NCKAP1: variants seen among roughly 807,000 people sequenced by gnomAD.
NCKAP1 encodes the protein NCK associated protein 1, also known as nck-associated protein 1.
Under a neutral mutation model 151.2 loss-of-function variants are expected in NCKAP1, and 21 were observed. The ratio of observed to expected loss-of-function variants is 0.14; its 90% CI spans 0.10 to 0.20. The LOEUF is 0.20. NCKAP1 is among the 10% of genes least tolerant of loss of function. The pLI, the probability that NCKAP1 is intolerant of heterozygous loss-of-function variation, is 1.00. For synonymous variants in NCKAP1, 484 were observed against 451.8 expected (o/e 1.07, Z -0.90); for missense variants, 933 against 1,352.1 (o/e 0.69, Z 4.86).
chr2:183,029,643 G>T (rs1271579838), intron 1 of NCKAP1, among the ~76,000 whole-genome samples: 1 of 151,814 alleles, frequency 6.6e-6, no homozygotes, highest in Non-Finnish European at 1.5e-5. Context: ...GCAAGAGGGA[G>T]ACCCTGTCTC....
intron 2 of NCKAP1, among the ~76,000 whole-genome samples, chr2:183,013,963 G>T (rs748501193): frequency 3.3e-5 from 5 of 152,038 alleles, no homozygotes; most frequent in African/African-American, 2.4e-5. Flanking sequence ...CTGCCCTAAT[G>T]CTTTCTTCTC....
At chr2:182,935,781 T>G (rs771566918) in intron 24 of NCKAP1, among the ~76,000 whole-genome samples, 6 of 151,618 alleles carry the variant, frequency 4.0e-5, no homozygotes, top group African/African-American at 7.3e-5. Flanking sequence ...TGAACAGGAG[T>G]TAAATCCTCA....
intron 3 of NCKAP1, 34 bp from the exon 4 acceptor site, chr2:183,003,064 G>A (rs781449064): frequency 1.9e-6 from 3 of 1,543,114 alleles, no homozygotes; most frequent in South Asian, 2.3e-5. Context: ...TCTTTTATCT[G>A]TATAAATCTG....
chr2:182,934,657 T>C (rs1696836179), intron 26 of NCKAP1, 95 bp downstream of exon 26: 1 of 700,580 alleles, frequency 1.4e-6, no homozygotes, highest in Non-Finnish European at 2.4e-6. Context: ...CTAGAAACCT[T>C]ACAGTAGTTT....
chr2:182,953,630 G>T (rs1361057847), intron 20 of NCKAP1, among the ~76,000 whole-genome samples: 1 of 151,888 alleles, frequency 6.6e-6, no homozygotes, highest in Non-Finnish European at 1.5e-5. Flanking sequence ...GTGAATCCTT[G>T]TCTCCACTAA....
At chr2:182,996,181 T>C (rs1327597767) in intron 6 of NCKAP1, among the ~76,000 whole-genome samples, 2 of 152,238 alleles carry the variant, frequency 1.3e-5, no homozygotes, top group Non-Finnish European at 2.9e-5. Flanking sequence ...AAGTTTCCAT[T>C]CTGATAGTTT....
intron 10 of NCKAP1, among the ~76,000 whole-genome samples, chr2:182,983,770 T>C (rs1031158331): frequency 1.3e-5 from 2 of 152,212 alleles, no homozygotes; most frequent in Non-Finnish European, 2.9e-5. Context: ...CAGTGGCCCA[T>C]GCCTGTAATC....
chr2:182,949,519 G>T lies in NCKAP1; in HGVS notation c.2601+2886C>A, dbSNP rs1256629993. Among the ~76,000 whole-genome samples the T allele has an allele frequency of 2.0e-5, 3 of 152,164 alleles. No homozygotes were observed. The East Asian group carries it at 5.8e-4, about 29-fold the overall frequency. On this transcript the variant is annotated intron_variant, in intron 23 of 30. Transcript: ENST00000361354. ...GAATAAAACAGAGTTAAGAAAGCTGGGGCCAGGCACAGTGGCTCGTGCCTG... is the reference window on the plus strand; with the variant it reads ...GAATAAAACAGAGTTAAGAAAGCTGTGGCCAGGCACAGTGGCTCGTGCCTG...
At chr2:182,992,407 G>A (rs922644222) in intron 8 of NCKAP1, among the ~76,000 whole-genome samples, 17 of 152,026 alleles carry the variant, frequency 1.1e-4, no homozygotes, top group African/African-American at 3.4e-4. Context: ...TCGACTTACC[G>A]GCTCATTACA....
intron 24 of NCKAP1, among the ~76,000 whole-genome samples, chr2:182,940,998 A>G (rs552416263): frequency 6.6e-6 from 1 of 152,378 alleles, no homozygotes; most frequent in South Asian, 2.1e-4. Context: ...AAAGCATTTA[A>G]GAGAAAAATG....
chr2:183,025,208 T>C (rs1698872605), intron 1 of NCKAP1, among the ~76,000 whole-genome samples: 1 of 152,174 alleles, frequency 6.6e-6, no homozygotes, highest in South Asian at 2.1e-4. Context: ...ATATAAACAC[T>C]ACTGTGTACG....
Position 182,910,442 on chromosome 2 carries a change from T to C in NCKAP1, c.*15260A>G, listed in dbSNP as rs896080020. ...GGGCATGGATGTTAATGTATACTCA[T>C]ATGTGCCCACAACAGTTGGAGCCTT... On this transcript the variant is annotated 3_prime_UTR_variant, in exon 31 of 31. Coordinates refer to ENST00000361354, the MANE Select transcript of NCKAP1 (RefSeq NM_013436.5). The C allele has an allele frequency of 6.6e-6, 1 of 152,230 alleles. No individual in the cohort carries two copies. The highest frequency in any genetic ancestry group is 1.5e-5 in the Non-Finnish European group (1 of 68,036). 9.4% of individuals were successfully genotyped at this position (152,230 alleles called of 1,614,324 possible).
intron 4 of NCKAP1, among the ~76,000 whole-genome samples, chr2:183,002,623 T>C (rs917471197): frequency 2.0e-5 from 3 of 151,794 alleles, no homozygotes; most frequent in Admixed American, 2.0e-4. Flanking sequence ...ATGGAGACAA[T>C]TTTCACTTTG....
At chr2:183,034,351 C>T (rs773957140) in intron 1 of NCKAP1, among the ~76,000 whole-genome samples, 14 of 149,614 alleles carry the variant, frequency 9.4e-5, no homozygotes, top group Non-Finnish European at 2.1e-4. Flanking sequence ...CCACAATACT[C>T]CACTTTAAAA....
At chr2:183,004,358 G>C (rs1172430997) in intron 2 of NCKAP1, among the ~76,000 whole-genome samples, 1 of 151,978 alleles carries the variant, frequency 6.6e-6, no homozygotes, top group Admixed American at 6.6e-5. Flanking sequence ...AGGAACGTTA[G>C]GGGGAAGATG....
intron 1 of NCKAP1, among the ~76,000 whole-genome samples, chr2:183,026,565 A>C (rs887512068): frequency 4.6e-5 from 7 of 152,070 alleles, no homozygotes; most frequent in African/African-American, 1.7e-4. Flanking sequence ...TACCTTTTCC[A>C]CACTGCTCAG....
intron 29 of NCKAP1, chr2:182,927,356 T>A (rs1696669293): frequency 6.6e-6 from 1 of 152,356 alleles, no homozygotes; most frequent in South Asian, 2.1e-4. Flanking sequence ...TTAAAATTTT[T>A]AATAGTGTTT....
chr2:182,977,214 A>C (rs1697841777), intron 14 of NCKAP1, among the ~76,000 whole-genome samples: 1 of 152,064 alleles, frequency 6.6e-6, no homozygotes, highest in Non-Finnish European at 1.5e-5. Context: ...GGAGGCCGGG[A>C]GCAGTGTCTC....
intron 23 of NCKAP1, among the ~76,000 whole-genome samples, chr2:182,951,249 T>C (rs921296378): frequency 6.6e-6 from 1 of 152,200 alleles, no homozygotes; most frequent in African/African-American, 2.4e-5. Context: ...CTATTAAGTT[T>C]GTGGAAATTA....
Sources: allele counts gnomAD v4.1 joint callset (sites outside exome capture counted in the v4.1 genomes callset), GRCh38; gene constraint gnomAD v4.1.1; transcripts MANE v1.5; gene names NCBI Gene and HGNC (gene_info 2026-07-23, HGNC 2026-07-21).